CDK14: variants seen among roughly 807,000 people sequenced by gnomAD.
CDK14 encodes cyclin dependent kinase 14.
Under a neutral mutation model 60.7 loss-of-function variants are expected in CDK14, and 34 were observed. That is an observed-to-expected ratio of 0.56 (90% CI 0.43 to 0.75). CDK14 has a LOEUF of 0.75. CDK14 is among the 30% of genes least tolerant of loss of function. The pLI is 0.00. For missense variants in CDK14, 482 were observed against 564.1 expected (o/e 0.85, Z 1.47); for synonymous variants, 197 against 203.7 (o/e 0.97, Z 0.28).
At chr7:90,905,388 T>C (rs994259733) in intron 7 of CDK14, among the ~76,000 whole-genome samples, 6 of 152,076 alleles carry the variant, frequency 3.9e-5, no homozygotes, top group Non-Finnish European at 8.8e-5. Context: ...AAGAACTAGA[T>C]TATTACTAAC....
chr7:90,601,949 TGTA>T (rs1799324972), intron 1 of CDK14, among the ~76,000 whole-genome samples: 2 of 151,660 alleles, frequency 1.3e-5, no homozygotes, highest in African/African-American at 2.4e-5. Context: ...TATGTATGTA[TGTA>T]TGTATGTATG....
At chr7:91,198,691 C>T (rs1157202124) in intron 14 of CDK14, among the ~76,000 whole-genome samples, 1 of 152,144 alleles carries the variant, frequency 6.6e-6, no homozygotes, top group Admixed American at 6.5e-5. Context: ...ATTTATGCTA[C>T]AGAAATGAAT....
At chr7:91,108,761 T>G (rs1206434180) in intron 12 of CDK14, among the ~76,000 whole-genome samples, 1 of 152,222 alleles carries the variant, frequency 6.6e-6, no homozygotes, top group Non-Finnish European at 1.5e-5. Flanking sequence ...AAAACCTCCA[T>G]TTTGAAAATC....
At chr7:90,685,162 A>T (rs1333673755) in intron 2 of CDK14, among the ~76,000 whole-genome samples, 1 of 151,988 alleles carries the variant, frequency 6.6e-6, no homozygotes, top group Non-Finnish European at 1.5e-5. Flanking sequence ...TTGAGTAGGA[A>T]ATTCATCCTC....
At chr7:90,836,647 T>A (rs867638673) in intron 5 of CDK14, among the ~76,000 whole-genome samples, 1 of 152,198 alleles carries the variant, frequency 6.6e-6, no homozygotes, top group Non-Finnish European at 1.5e-5. Context: ...AAAAATGGTA[T>A]ACATAAACCA....
chr7:90,729,356 T>TTTG (rs1802767443), intron 3 of CDK14, among the ~76,000 whole-genome samples: 1 of 130,514 alleles, frequency 7.7e-6, no homozygotes, highest in Non-Finnish European at 1.6e-5. Flanking sequence ...TTTTTTTTTT[T>TTTG]TTTTTTTTTT....
At chr7:90,841,026 A>G (rs759493936) in intron 5 of CDK14, among the ~76,000 whole-genome samples, 12 of 152,210 alleles carry the variant, frequency 7.9e-5, no homozygotes, top group Non-Finnish European at 1.3e-4. Flanking sequence ...ATGGGAGGGA[A>G]GGTATCAAAC....
intron 12 of CDK14, among the ~76,000 whole-genome samples, chr7:91,086,070 A>T (rs73400918): frequency 6.6e-6 from 1 of 152,190 alleles, no homozygotes; most frequent in Non-Finnish European, 1.5e-5. Flanking sequence ...ACAATTCTAG[A>T]TCATTTAAAT....
At chr7:90,668,975 C>T (rs1391797264) in intron 2 of CDK14, among the ~76,000 whole-genome samples, 1 of 151,918 alleles carries the variant, frequency 6.6e-6, no homozygotes, top group Non-Finnish European at 1.5e-5. Flanking sequence ...TGCTTGGCCT[C>T]CCATGCTTAG....
intron 3 of CDK14, among the ~76,000 whole-genome samples, chr7:90,729,458 T>G (rs1802777031): frequency 6.6e-6 from 1 of 150,932 alleles, no homozygotes; most frequent in Non-Finnish European, 1.5e-5. Flanking sequence ...AGTGTTCTCT[T>G]TACTCATTTT....
In CDK14 at chr7:91,086,431, T is replaced by C. The variant is rs140596154; in HGVS notation, c.1154+6951T>C. Among the ~76,000 whole-genome samples the C allele has an allele frequency of 4.1e-3, 618 of 152,282 alleles. 4 individuals carry two copies. The highest frequency in any genetic ancestry group is 0.014 in the African/African-American group (592 of 41,554). On this transcript the variant is annotated intron_variant, in intron 12 of 14. Transcript: ENST00000380050. Reference sequence around the variant, plus strand: ...TCTCTCTCTCTTTTCTGTTGGGAACTGTTAGGGGTTAGACACACAGCTCTC... The same window carrying C: ...TCTCTCTCTCTTTTCTGTTGGGAACCGTTAGGGGTTAGACACACAGCTCTC...
intron 14 of CDK14, among the ~76,000 whole-genome samples, chr7:91,202,227 C>A (rs1431035633): frequency 6.6e-6 from 1 of 152,098 alleles, no homozygotes; most frequent in Non-Finnish European, 1.5e-5. Flanking sequence ...ACGGGCGATC[C>A]AATTAATTAA....
chr7:91,186,575 C>G (rs1355465680), intron 14 of CDK14, among the ~76,000 whole-genome samples: 1 of 151,908 alleles, frequency 6.6e-6, no homozygotes, highest in East Asian at 1.9e-4. Flanking sequence ...AAAGCTTTGT[C>G]TTCCAAGTTT....
chr7:90,648,209 G>A (rs1350216353), intron 2 of CDK14, among the ~76,000 whole-genome samples: 1 of 152,102 alleles, frequency 6.6e-6, no homozygotes, highest in Non-Finnish European at 1.5e-5. Context: ...TTGAAGACTT[G>A]ACTGGGCCAT....
chr7:91,170,909 G>GGTGT (rs55633990), intron 14 of CDK14, among the ~76,000 whole-genome samples: 9,519 of 151,478 alleles, frequency 0.063, 854 homozygotes, highest in East Asian at 0.49. Flanking sequence ...TGGGACTACA[G>GGTGT]GTGTGCACCA....
intron 2 of CDK14, among the ~76,000 whole-genome samples, chr7:90,650,793 C>G (rs1168371301): frequency 1.3e-5 from 2 of 152,068 alleles, no homozygotes; most frequent in Non-Finnish European, 1.5e-5. Flanking sequence ...TTTCTGAGGC[C>G]TCTGTTGTGT....
chr7:90,654,756 A>G (rs1294662128), intron 2 of CDK14, among the ~76,000 whole-genome samples: 1 of 152,148 alleles, frequency 6.6e-6, no homozygotes, highest in Non-Finnish European at 1.5e-5. Flanking sequence ...TCCCTATTCC[A>G]GTTTCCCCTG....
chr7:90,818,803 T>C (rs145937041), intron 5 of CDK14, among the ~76,000 whole-genome samples: 1 of 152,266 alleles, frequency 6.6e-6, no homozygotes, highest in Admixed American at 6.5e-5. Flanking sequence ...TAATCTGATA[T>C]GTTTTCAGTA....
chr7:91,058,452 G>C (rs1184553747), intron 11 of CDK14, among the ~76,000 whole-genome samples: 1 of 152,122 alleles, frequency 6.6e-6, no homozygotes, highest in African/African-American at 2.4e-5. Flanking sequence ...TGTTGAATAG[G>C]AGTGGTGAGA....
Sources: gnomAD v4.1 joint callset for allele counts (sites outside exome capture counted in the v4.1 genomes callset) on GRCh38, gnomAD v4.1.1 for gene constraint, MANE v1.5 for transcripts, NCBI Gene and HGNC (gene_info 2026-07-23, HGNC 2026-07-21) for gene names.